The following RFX3 variants were observed in gnomAD, a reference collection of about 807,000 sequenced individuals.
RFX3 encodes the protein transcription factor RFX3.
RFX3 carries 14 observed loss-of-function variants against 98.6 expected under a neutral mutation model. The observed-to-expected ratio is 0.14, with a 90% confidence interval of 0.09 to 0.22. The LOEUF is 0.22. Among genes scored for constraint, RFX3 ranks in the 10% least tolerant of loss-of-function variants. RFX3 has a pLI of 1.00. For synonymous variants in RFX3, 383 were observed against 328.4 expected (o/e 1.17, Z -1.80); for missense variants, 639 against 926.9 (o/e 0.69, Z 4.03).
chr9:3,377,489 A>T (rs1314225531), intron 2 of RFX3, among the ~76,000 whole-genome samples: 1 of 152,210 alleles, frequency 6.6e-6, no homozygotes, highest in Non-Finnish European at 1.5e-5. Flanking sequence ...CCTAACATAA[A>T]TGACAAGTTA....
intron 11 of RFX3, 128 bp from the exon 12 acceptor site, chr9:3,266,433 T>G: frequency 2.3e-6 from 1 of 440,136 alleles, no homozygotes; most frequent in Non-Finnish European, 4.0e-6. Context: ...TCCTCATTGA[T>G]GAAACTTTAT....
chr9:3,492,455 C>G (rs1047439612), intron 1 of RFX3, among the ~76,000 whole-genome samples: 3 of 152,228 alleles, frequency 2.0e-5, no homozygotes, highest in Admixed American at 2.0e-4. Flanking sequence ...GAAGTCTGCA[C>G]AGCCCAGGGC....
At chr9:3,400,774 T>C (rs531700505) in intron 1 of RFX3, among the ~76,000 whole-genome samples, 1 of 152,212 alleles carries the variant, frequency 6.6e-6, no homozygotes, top group Non-Finnish European at 1.5e-5. Context: ...ACTAAGTGCT[T>C]TAAATACATT....
At chr9:3,345,136 A>C (rs1834315193) in intron 3 of RFX3, among the ~76,000 whole-genome samples, 1 of 152,200 alleles carries the variant, frequency 6.6e-6, no homozygotes, top group Admixed American at 6.5e-5. Context: ...AGGGAAGGAT[A>C]AGCTAACTGC....
chr9:3,490,962 C>G (rs571902533), intron 1 of RFX3, among the ~76,000 whole-genome samples: 9 of 152,080 alleles, frequency 5.9e-5, no homozygotes, highest in Admixed American at 2.6e-4. Flanking sequence ...TGTATGTTCC[C>G]TAAATTTGGC....
intron 1 of RFX3, among the ~76,000 whole-genome samples, chr9:3,507,981 G>A (rs894794757): frequency 6.6e-6 from 1 of 151,698 alleles, no homozygotes; most frequent in Non-Finnish European, 1.5e-5. Context: ...CAAAGACTGT[G>A]GTTGTTCTGT....
intron 1 of RFX3, among the ~76,000 whole-genome samples, chr9:3,498,967 T>C (rs930627901): frequency 1.3e-5 from 2 of 152,064 alleles, no homozygotes; most frequent in Non-Finnish European, 2.9e-5. Context: ...GCTTAATACT[T>C]TTCAGGAGTG....
In RFX3 at chr9:3,330,272, G is replaced by A. The variant is rs1469370725; in HGVS notation, c.461C>T (p.Ala154Val). ...TCAAATACTTACTGTCGCTGGGGAGGCCCGAGTTGTGTGTGTCACTGAGTG... is the reference window on the plus strand; with the variant it reads ...TCAAATACTTACTGTCGCTGGGGAGACCCGAGTTGTGTGTGTCACTGAGTG... ...SGHSVTHTTR[A>V]SPATIEMAIE... The change falls in exon 4 of 17, where the codon GCC (alanine) becomes GTC (valine). Residue 154 changes from alanine to valine, a missense_variant. This residue lies in a region of RFX3 where 210 missense variants were observed against 197.7 expected (regional missense o/e 1.06). Transcript: ENST00000617270. The A allele has an allele frequency of 6.2e-7, 1 of 1,614,048 alleles. No homozygotes were observed. Among genetic ancestry groups the A allele is most frequent in the East Asian group, 2.2e-5 (1 of 44,856 alleles).
At chr9:3,425,231 G>T (rs144893353) in intron 1 of RFX3, among the ~76,000 whole-genome samples, 334 of 152,296 alleles carry the variant, frequency 2.2e-3, no homozygotes, top group Middle Eastern at 0.017. Flanking sequence ...CAATGAGACC[G>T]TGTCTCAGAA....
chr9:3,419,643 G>T (rs572804989), intron 1 of RFX3, among the ~76,000 whole-genome samples: 1 of 152,128 alleles, frequency 6.6e-6, no homozygotes, highest in African/African-American at 2.4e-5. Context: ...GCAGTTCTCC[G>T]TTGGTATCTG....
chr9:3,447,578 T>TA (rs1417287754), intron 1 of RFX3, among the ~76,000 whole-genome samples: 1 of 152,166 alleles, frequency 6.6e-6, no homozygotes, highest in Non-Finnish European at 1.5e-5. Context: ...GCTCATTTTA[T>TA]AAATACACAG....
At chr9:3,248,319 C>A in intron 14 of RFX3, 134 bp from the exon 15 acceptor site, 1 of 1,120,654 alleles carries the variant, frequency 8.9e-7, no homozygotes, top group Non-Finnish European at 1.2e-6. Context: ...GCCATGAAAG[C>A]ATTTCATTAT....
chr9:3,485,416 T>C (rs1043033407), intron 1 of RFX3, among the ~76,000 whole-genome samples: 1 of 152,334 alleles, frequency 6.6e-6, no homozygotes, highest in East Asian at 1.9e-4. Context: ...CATAAGAATA[T>C]TGAATTAGTA....
At chr9:3,399,911 TG>T (rs1467006243) in intron 1 of RFX3, among the ~76,000 whole-genome samples, 1 of 149,476 alleles carries the variant, frequency 6.7e-6, no homozygotes, top group Non-Finnish European at 1.5e-5. Flanking sequence ...ATCATTCCAC[TG>T]CACTCCAGCC....
chr9:3,334,439 T>C (rs1832937094), intron 3 of RFX3, among the ~76,000 whole-genome samples: 1 of 152,222 alleles, frequency 6.6e-6, no homozygotes, highest in Non-Finnish European at 1.5e-5. Context: ...CTTTTGGGCC[T>C]GCCCTCTTTG....
chr9:3,365,009 A>T (rs1370031620), intron 2 of RFX3, among the ~76,000 whole-genome samples: 1 of 152,196 alleles, frequency 6.6e-6, no homozygotes, highest in Admixed American at 6.5e-5. Context: ...AGTTAAGTAA[A>T]AAAAGTAACA....
intron 1 of RFX3, among the ~76,000 whole-genome samples, chr9:3,516,475 A>T (rs1818182182): frequency 6.6e-6 from 1 of 152,238 alleles, no homozygotes; most frequent in Admixed American, 6.5e-5. Flanking sequence ...AAAGAAAAGC[A>T]GTAACTATTA....
intron 2 of RFX3, among the ~76,000 whole-genome samples, chr9:3,351,437 G>C (rs1835111472): frequency 6.6e-6 from 1 of 151,728 alleles, no homozygotes; most frequent in Admixed American, 6.6e-5. Context: ...AAACATTCAA[G>C]AGCCAGATGC....
intron 12 of RFX3, among the ~76,000 whole-genome samples, chr9:3,265,200 G>T (rs1299034641): frequency 1.9e-4 from 29 of 152,158 alleles, no homozygotes; most frequent in Admixed American, 1.9e-3. Context: ...TATGACTGAG[G>T]AGCTAGTTTT....
Sources: allele counts gnomAD v4.1 joint callset (sites outside exome capture counted in the v4.1 genomes callset), GRCh38; gene constraint gnomAD v4.1.1; regional missense constraint gnomAD v4.1.1; transcripts MANE v1.5; gene names NCBI Gene and HGNC (gene_info 2026-07-23, HGNC 2026-07-21).